The following FBXO11 variants were observed in gnomAD, a reference collection of about 807,000 sequenced individuals.
FBXO11 encodes F-box protein 11.
In FBXO11, 13 loss-of-function variants were observed where a neutral mutation model predicts 117.0. The observed-to-expected ratio is 0.11, with a 90% CI of 0.07 to 0.18. The LOEUF is 0.18. Ranked by LOEUF, FBXO11 falls within the 10% of genes least tolerant of loss-of-function variation. The pLI is 1.00. For missense variants in FBXO11, 767 were observed against 1,164.4 expected, an observed-to-expected ratio of 0.66 and a Z score of 4.97; for synonymous variants, 490 against 380.5, an observed-to-expected ratio of 1.29 and a Z score of -3.35.
At chr2:47,904,359 G>A (rs748918249) in intron 1 of FBXO11, among the ~76,000 whole-genome samples, 14 of 152,158 alleles carry the variant, frequency 9.2e-5, no homozygotes, top group African/African-American at 3.4e-4. Context: ...AAAGAGAATG[G>A]TTATGTTTGG....
At chr2:47,903,074 C>T (rs1231548808) in intron 1 of FBXO11, among the ~76,000 whole-genome samples, 1 of 152,034 alleles carries the variant, frequency 6.6e-6, no homozygotes, top group African/African-American at 2.4e-5. Context: ...ATAAAACTTT[C>T]GAAATAGAGT....
chr2:47,821,377 G>C (rs541013471), intron 13 of FBXO11, among the ~76,000 whole-genome samples: 5 of 152,048 alleles, frequency 3.3e-5, no homozygotes, highest in African/African-American at 1.2e-4. Context: ...TTGGGAGACC[G>C]AGGCAGGCAG....
intron 1 of FBXO11, among the ~76,000 whole-genome samples, chr2:47,882,940 T>C (rs1284927609): frequency 6.6e-6 from 1 of 152,166 alleles, no homozygotes; most frequent in Non-Finnish European, 1.5e-5. Flanking sequence ...TGAGTCCCCA[T>C]GCCCAGCCAT....
chr2:47,903,102 G>A (rs954417856), intron 1 of FBXO11, among the ~76,000 whole-genome samples: 15 of 152,024 alleles, frequency 9.9e-5, no homozygotes, highest in African/African-American at 3.6e-4. Context: ...GTTAACTTCT[G>A]ATCATTATAT....
At chr2:47,897,701 CAAAAAAAA>C (rs60982405) in intron 1 of FBXO11, among the ~76,000 whole-genome samples, 18 of 103,118 alleles carry the variant, frequency 1.7e-4, no homozygotes, top group East Asian at 8.4e-4. Flanking sequence ...TGTCTTAAAC[CAAAAAAAA>C]AAAAAAAAAA....
chr2:47,842,170 T>C (rs1205873799), intron 1 of FBXO11, among the ~76,000 whole-genome samples: 1 of 150,428 alleles, frequency 6.6e-6, no homozygotes, highest in Non-Finnish European at 1.5e-5. Flanking sequence ...TGCACGCCAC[T>C]ATGGCCAGCT....
intron 1 of FBXO11, among the ~76,000 whole-genome samples, chr2:47,903,768 T>G (rs1302894946): frequency 6.6e-6 from 1 of 152,220 alleles, no homozygotes; most frequent in African/African-American, 2.4e-5. Flanking sequence ...TCGAGTGTCA[T>G]TGTTTTCTCA....
Position 47,818,936 on chromosome 2 carries a change from AG to A in FBXO11, c.1920+19del. On this transcript the variant is annotated intron_variant, in intron 15 of 22. Transcript: ENST00000403359. ...TACAAAACAATGTATTTCCCATCCA[AG>A]AGTCCAGGCTAATCCTACCTGCTTG... 4 of 1,601,716 alleles carry A rather than the reference AG, an allele frequency of 2.5e-6. No individual in the cohort carries two copies. Among genetic ancestry groups the A allele is most frequent in the Middle Eastern group, 1.7e-4 (1 of 5,962 alleles).
At chr2:47,899,148 C>T (rs1360101185) in intron 1 of FBXO11, among the ~76,000 whole-genome samples, 4 of 151,840 alleles carry the variant, frequency 2.6e-5, no homozygotes, top group African/African-American at 9.7e-5. Flanking sequence ...GTGGTGGGCA[C>T]CTGTAGTCCC....
chr2:47,904,148 A>G (rs1678547127), intron 1 of FBXO11, among the ~76,000 whole-genome samples: 1 of 152,242 alleles, frequency 6.6e-6, no homozygotes, highest in Non-Finnish European at 1.5e-5. Context: ...TTTTAAGGAA[A>G]TAATGTATAA....
Position 47,862,124 on chromosome 2 carries a change from T to C in FBXO11, c.233-22355A>G, listed in dbSNP as rs186512685. ...TTAATAGAGATGGGGTTTCACCATG[T>C]TGGCCAGGCTGGTCTCAAACGCTTG... On this transcript the variant is annotated intron_variant, in intron 1 of 22. Coordinates refer to ENST00000403359, the MANE Select transcript of FBXO11 (RefSeq NM_001190274.2). Among the ~76,000 whole-genome samples, 256 of 152,284 alleles carry C rather than the reference T, an allele frequency of 1.7e-3. 1 individual carries two copies. Among genetic ancestry groups the C allele is most frequent in the Non-Finnish European group, 2.3e-3 (157 of 68,016 alleles).
intron 16 of FBXO11, among the ~76,000 whole-genome samples, chr2:47,815,581 C>A (rs1435835007): frequency 2.6e-5 from 4 of 152,214 alleles, no homozygotes; most frequent in African/African-American, 7.2e-5. Context: ...TGAGCCCTGA[C>A]AGCAGGTCCT....
intron 1 of FBXO11, among the ~76,000 whole-genome samples, chr2:47,882,126 T>A (rs1274213112): frequency 6.6e-6 from 1 of 152,224 alleles, no homozygotes; most frequent in East Asian, 1.9e-4. Context: ...AGCTGAAGTT[T>A]ATACTCTACT....
At chr2:47,904,582 A>G (rs1206133644) in intron 1 of FBXO11, among the ~76,000 whole-genome samples, 1 of 436 alleles carries the variant, frequency 2.3e-3, no homozygotes, top group East Asian at 0.029. Context: ...GCGCGCGCAA[A>G]CACACACACA....
Position 47,807,953 on chromosome 2 carries a change from AC to A in FBXO11, c.*164del. ...TGAGATCCTGAGTCAATATATTGCCACTTTCTTTTTGGTAGCTTGAGCTTCA... is the reference window on the plus strand; with the variant it reads ...TGAGATCCTGAGTCAATATATTGCCATTTCTTTTTGGTAGCTTGAGCTTCA... On this transcript the variant is annotated 3_prime_UTR_variant, in exon 23 of 23. Transcript: ENST00000403359. The A allele has an allele frequency of 1.6e-6, 1 of 642,820 alleles. No individual in the cohort carries two copies. Among genetic ancestry groups the A allele is most frequent in the South Asian group, 2.1e-5 (1 of 48,334 alleles). 39.8% of individuals were successfully genotyped at this position (642,820 alleles called of 1,614,324 possible).
chr2:47,853,726 A>G (rs1479413282), intron 1 of FBXO11, among the ~76,000 whole-genome samples: 8 of 152,188 alleles, frequency 5.3e-5, no homozygotes, highest in African/African-American at 1.9e-4. Flanking sequence ...GACTGATAAT[A>G]CTTAACAGTA....
At chr2:47,900,697 CACACACGTGT>C (rs1678123338) in intron 1 of FBXO11, among the ~76,000 whole-genome samples, 2 of 90,972 alleles carry the variant, frequency 2.2e-5, no homozygotes, top group African/African-American at 4.3e-5. Flanking sequence ...CACACGTATA[CACACACGTGT>C]ATATATATAC....
intron 1 of FBXO11, among the ~76,000 whole-genome samples, chr2:47,867,522 T>C (rs1230556508): frequency 6.6e-6 from 1 of 152,206 alleles, no homozygotes; most frequent in African/African-American, 2.4e-5. Context: ...AAATAATTAC[T>C]AAGCAGTATA....
chr2:47,872,195 TTC>T (rs1319395851), intron 1 of FBXO11, among the ~76,000 whole-genome samples: 6 of 152,222 alleles, frequency 3.9e-5, no homozygotes, highest in Non-Finnish European at 8.8e-5. Context: ...TGTTTAGAAA[TTC>T]TGTGTGAGGT....
Sources: allele counts gnomAD v4.1 joint callset (sites outside exome capture counted in the v4.1 genomes callset), GRCh38; gene constraint gnomAD v4.1.1; transcripts MANE v1.5; gene names NCBI Gene and HGNC (gene_info 2026-07-23, HGNC 2026-07-21).